The following PKD1 variants were observed in gnomAD, a reference collection of about 807,000 sequenced individuals.
PKD1 encodes the protein polycystin 1, transient receptor potential channel interacting, also known as polycystin-1.
PKD1 carries 81 observed loss-of-function variants against 361.7 expected under a neutral mutation model. The ratio of observed to expected loss-of-function variants is 0.22; its 90% CI spans 0.19 to 0.27. The LOEUF is 0.27. Among genes scored for constraint, PKD1 ranks in the 10% least tolerant of loss-of-function variants. The pLI, the probability that PKD1 is intolerant of heterozygous loss-of-function variation, is 1.00. For synonymous variants in PKD1, 3,615 were observed against 2,818.3 expected, an observed-to-expected ratio of 1.28 and a Z score of -8.95; for missense variants, 6,399 against 6,118.3, an observed-to-expected ratio of 1.05 and a Z score of -1.53.
In PKD1 at chr16:2,114,433, C is replaced by T; in HGVS notation, c.2590G>A (p.Gly864Ser). 1 of 1,601,010 alleles carries T rather than the reference C, an allele frequency of 6.2e-7. No homozygotes were observed. Among genetic ancestry groups the T allele is most frequent in the Non-Finnish European group, 8.5e-7 (1 of 1,179,538 alleles). ...NATATARWPG[G>S]SVSARFENVC... ...TTCTCAAAGCGGGCGCTGACACTGC[C>T]CCCAGGCCAGCGAGCCGTGGCCGTG... The change falls in exon 11 of 46, where the codon GGC (glycine) becomes AGC (serine). Residue 864 changes from glycine (G) to serine (S), a missense_variant. By Grantham distance (56) the Gly-to-Ser change is moderately conservative (BLOSUM62 0). Coordinates refer to ENST00000262304, the MANE Select transcript of PKD1 (RefSeq NM_001009944.3).
At chr16:2,105,664 T>C (rs1307145511) in intron 20 of PKD1, 190 bp from the exon 21 acceptor site, 32 of 1,429,582 alleles carry the variant, frequency 2.2e-5, no homozygotes, top group Non-Finnish European at 3.0e-5. Flanking sequence ...GGGCGGGGGC[T>C]GCATTGTGGA....
rs2091502660 is a variant in PKD1, at chr16:2,091,174, C to T, written c.11713G>A (p.Val3905Met). ...TGCACGGCGAACAGCAGCAGGCACA[C>T]CTGTGGGGGGCGCGGTCAGGAGGGC... ...AGLSLPLLTS[V>M]CLLLFAVHFA... Residue 3905 changes from valine to methionine, a missense_variant and splice_region_variant, in exon 43 of 46, where the codon GTG becomes ATG. Transcript: ENST00000262304. The T allele has an allele frequency of 2.1e-6, 3 of 1,428,590 alleles. No individual in the cohort carries two copies. The highest frequency in any genetic ancestry group is 1.5e-5 in the African/African-American group (1 of 66,160). The allele number at this position is 1,428,590 out of a possible 1,614,324, so 88.5% of individuals were successfully genotyped here.
rs774231616 is a variant in PKD1 at position 2,089,834 on chromosome 16, C to T, written c.12805G>A (p.Ala4269Thr). 6.2e-7 allele frequency: 1 copy of T among 1,604,528 alleles called. No individual in the cohort carries two copies. Among genetic ancestry groups the T allele is most frequent in the South Asian group, 1.1e-5 (1 of 89,824 alleles). Residue 4269 changes from alanine to threonine, a missense_variant, in exon 46 of 46, where the codon GCA becomes ACA. Coordinates refer to ENST00000262304, the MANE Select transcript of PKD1 (RefSeq NM_001009944.3). Reference protein sequence around the residue: ...SRGPSPGLRPALPSRLARASR... With the variant: ...SRGPSPGLRPTLPSRLARASR... ...GCCCGGGCAAGGCGGCTGGGCAGTG[C>T]TGGCCGCAGGCCCGGGGATGGGCCA...
In PKD1 at chr16:2,109,518, C is replaced by T. The variant is rs370043391; in HGVS notation, c.5649G>A (p.Ala1883=). ...SWVSATYNLT[A]EEPIVGLVLW... ...GCACCAGGCCCACGATGGGCTCCTC[C>T]GCCGTGAGGTTGTACGTGGCTGAGA... Residue 1883 remains alanine, a synonymous_variant, in exon 15 of 46, where the codon GCG becomes GCA. Coordinates refer to ENST00000262304, the MANE Select transcript of PKD1 (RefSeq NM_001009944.3). 7.9e-5 allele frequency: 127 copies of T among 1,610,218 alleles called. No homozygotes were observed. Among genetic ancestry groups the T allele is most frequent in the Non-Finnish European group, 1.1e-4 (125 of 1,179,252 alleles).
In PKD1 at chr16:2,112,387, G is replaced by A. The variant is rs2092537598; in HGVS notation, c.3248C>T (p.Ala1083Val). ...ESFPVPDPSV[A>V]QVLVEHNVMH... ...GACATTGTGCTCCACCAGCACCTGG[G>A]CCACCGAGGGGTCTGGAACCGGGAA... is the stretch of plus-strand genomic sequence containing the variant. Residue 1083 changes from alanine to valine, a missense_variant, in exon 14 of 46, where the codon GCC (alanine) becomes GTC (valine). By Grantham distance (64) the Ala-to-Val change is moderately conservative. Transcript: ENST00000262304. 2 of 1,587,286 alleles carry A rather than the reference G, an allele frequency of 1.3e-6. No individual in the cohort carries two copies. Among genetic ancestry groups the A allele is most frequent in the African/African-American group, 1.4e-5 (1 of 73,516 alleles).
chr16:2,094,102 C>T lies in PKD1; in HGVS notation c.10608G>A (p.Leu3536=), dbSNP rs1450374580. ...LNWEQPQAAR[L]SRTGLVEGLR... The stretch of plus-strand genomic sequence containing the variant: ...GCTACGCAAGCACACCTGTCCTGGA[C>T]AGCCTCGCTGCCTGGGGCTGTTCCC... The change falls in exon 35 of 46, where the codon CTG becomes CTA. Residue 3536 remains leucine (L), a synonymous_variant. Coordinates refer to ENST00000262304, the MANE Select transcript of PKD1 (RefSeq NM_001009944.3). The T allele has an allele frequency of 6.3e-7, 1 of 1,591,264 alleles. No individual in the cohort carries two copies. The highest frequency in any genetic ancestry group is 1.1e-5 in the South Asian group (1 of 88,336).
Position 2,091,434 on chromosome 16 carries a change from G to C in PKD1, c.11701C>G (p.Leu3901Val), listed in dbSNP as rs1436925319. The change falls in exon 42 of 46, where the codon CTG becomes GTG. Residue 3901 changes from leucine to valine, a missense_variant. By Grantham distance (32) the Leu-to-Val change is conservative. Transcript: ENST00000262304. ...RRLSAGLSLP[L>V]LTSVCLLLFA... is the part of the protein sequence containing the mutation. The stretch of plus-strand genomic sequence containing the variant: ...GGGGACGGGCGTACCGAGGTGAGCA[G>C]AGGCAGCGAGAGGCCCGCGCTGAGG... 6.7e-6 allele frequency: 8 copies of C among 1,185,982 alleles called. No individual in the cohort carries two copies. Among genetic ancestry groups the C allele is most frequent in the Non-Finnish European group, 8.4e-6 (8 of 956,664 alleles). The allele number at this position is 1,185,982 out of a possible 1,614,324, so 73.5% of individuals were successfully genotyped here. A position where few individuals can be genotyped will look rare whatever the true frequency, so the allele number is the denominator to read the frequency against.
rs528512622 is a variant in PKD1 at position 2,109,943 on chromosome 16, G to A, written c.5224C>T (p.Leu1742=). ...TATACGACACCACTGCCACCAGCCAGCTCGGCACTGAGGGTGACGCTTGTG... is the reference window on the plus strand; with the variant it reads ...TATACGACACCACTGCCACCAGCCAACTCGGCACTGAGGGTGACGCTTGTG... ...VNTSVTLSAE[L]AGGSGVVYTW... is the part of the protein sequence containing the mutation. The change falls in exon 15 of 46, where the codon CTG becomes TTG. Residue 1742 remains leucine (L), a synonymous_variant. Coordinates refer to ENST00000262304, the MANE Select transcript of PKD1 (RefSeq NM_001009944.3). 1.2e-5 allele frequency: 19 copies of A among 1,610,184 alleles called. No individual in the cohort carries two copies. The East Asian group carries it at 4.0e-4, about 34-fold the overall frequency.
chr16:2,096,036 G>C (rs924765261), intron 34 of PKD1, among the ~76,000 whole-genome samples: 7 of 152,190 alleles, frequency 4.6e-5, no homozygotes, highest in African/African-American at 1.4e-4. Context: ...TACCTCTTTA[G>C]TTCTTGGTTG....
rs377227184 is a variant in PKD1 at position 2,102,514 on chromosome 16, A to T, written c.9068T>A (p.Met3023Lys). The change falls in exon 25 of 46, where the codon ATG (methionine) becomes AAG (lysine). Residue 3023 changes from methionine to lysine, a missense_variant. Physicochemically the swap from Met to Lys is moderately conservative, Grantham distance 95. Coordinates refer to ENST00000262304, the MANE Select transcript of PKD1 (RefSeq NM_001009944.3). ...SLCQYFSEED[M>K]VWRTEGLLPL... ...CAGCAGCCCCTCTGTCCGCCACACC[A>T]TGTCCTCCTCGCTGAAGTACTGGCA... 1.2e-5 allele frequency: 19 copies of T among 1,601,894 alleles called. No individual in the cohort carries two copies. Among genetic ancestry groups the T allele is most frequent in the Admixed American group, 1.7e-5 (1 of 58,488 alleles).
chr16:2,097,573 C>T (rs932634130), intron 32 of PKD1, 70 bp from the exon 33 acceptor site: 43 of 1,604,432 alleles, frequency 2.7e-5, no homozygotes, highest in Middle Eastern at 2.2e-4. Flanking sequence ...CGTCCAGTCA[C>T]GCACGGACAC....
At position 2,100,960 on chromosome 16, in the gene PKD1, C is replaced by A. The variant is rs2092071488; in HGVS notation, c.9398-394G>T. Among the ~76,000 whole-genome samples the A allele has an allele frequency of 6.6e-6, 1 of 152,134 alleles. No homozygotes were observed. Among genetic ancestry groups the A allele is most frequent in the Admixed American group, 6.6e-5 (1 of 15,258 alleles). On this transcript the variant is annotated intron_variant, in intron 26 of 45. Coordinates refer to ENST00000262304, the MANE Select transcript of PKD1 (RefSeq NM_001009944.3). The surrounding 1 kb of genome is among the most constrained non-coding windows in gnomAD (Gnocchi z 4.4). ...GCGTGAAGCTGTGTCACCTCCTCTC[C>A]CAGTGACAGACCCAGGTGACAGTAT...
In PKD1 at chr16:2,119,344, C is replaced by A. The variant is rs914018183; in HGVS notation, c.250G>T (p.Val84Phe). ...VSHNLLRALD[V>F]GLLANLSALA... ...GCCGAGAGGTTCGCCAGGAGCCCAA[C>A]GTCCAGCGCCCGGAGCAGGTTGTGG... is the stretch of plus-strand genomic sequence containing the variant. Residue 84 changes from valine (V) to phenylalanine (F), a missense_variant, in exon 2 of 46, where the codon GTT becomes TTT. Coordinates refer to ENST00000262304, the MANE Select transcript of PKD1 (RefSeq NM_001009944.3). 2 of 1,412,024 alleles carry A rather than the reference C, an allele frequency of 1.4e-6. No homozygotes were observed. Among genetic ancestry groups the A allele is most frequent in the East Asian group, 2.5e-5 (1 of 40,268 alleles). 87.5% of individuals were successfully genotyped at this position (1,412,024 alleles called of 1,614,324 possible). A position where few individuals can be genotyped will look rare whatever the true frequency, so the allele number is the denominator to read the frequency against.
At chr16:2,102,997 C>A (rs766714041) in intron 23 of PKD1, 27 bp from the exon 24 acceptor site, 1 of 1,599,226 alleles carries the variant, frequency 6.3e-7, no homozygotes, top group Non-Finnish European at 8.5e-7. Context: ...AGGTCACACG[C>A]CTGCCGGGAA....
intron 1 of PKD1, among the ~76,000 whole-genome samples, chr16:2,123,201 C>T (rs1032403003): frequency 6.6e-6 from 1 of 152,176 alleles, no homozygotes; most frequent in Non-Finnish European, 1.5e-5. Flanking sequence ...CTCCTTCTCC[C>T]GGCCCTCACC....
At position 2,090,211 on chromosome 16, in the gene PKD1, G is replaced by A. The variant is rs1386578638; in HGVS notation, c.12445-17C>T. ...GTGGCGGAACTGGGGGCGGCACAGG[G>A]GCTCAGTCAGTCCGGCTGCACCCTG... On this transcript the variant is annotated splice_polypyrimidine_tract_variant and intron_variant, in intron 45 of 45. Transcript: ENST00000262304. The A allele has an allele frequency of 3.7e-6, 6 of 1,608,274 alleles. 1 individual carries two copies. Among genetic ancestry groups the A allele is most frequent in the East Asian group, 2.2e-5 (1 of 44,800 alleles).
intron 21 of PKD1, 53 bp downstream of exon 21, chr16:2,105,269 C>T (rs1282822998): frequency 2.5e-6 from 4 of 1,581,544 alleles, no homozygotes; most frequent in East Asian, 4.5e-5. Flanking sequence ...GGGGGCTGAA[C>T]CCAGTGCCCT....
In PKD1 at chr16:2,110,791, A is replaced by G. The variant is rs1411278865; in HGVS notation, c.4376T>C (p.Leu1459Pro). 1 of 1,611,060 alleles carries G rather than the reference A, an allele frequency of 6.2e-7. No individual in the cohort carries two copies. Among genetic ancestry groups the G allele is most frequent in the Non-Finnish European group, 8.5e-7 (1 of 1,179,826 alleles). The change falls in exon 15 of 46, where the codon CTG (leucine) becomes CCG (proline). Residue 1459 changes from leucine to proline, a missense_variant. Leu to Pro is a moderately conservative substitution (Grantham distance 98, BLOSUM62 -3). Coordinates refer to ENST00000262304, the MANE Select transcript of PKD1 (RefSeq NM_001009944.3). ...NNISAANDSA[L>P]VEVQEPVLVT... ...CAGCACGGGCTCCTGCACCTCCACCAGGGCTGAGTCATTGGCAGCAGAGAT... is the reference window on the plus strand; with the variant it reads ...CAGCACGGGCTCCTGCACCTCCACCGGGGCTGAGTCATTGGCAGCAGAGAT...
intron 1 of PKD1, among the ~76,000 whole-genome samples, chr16:2,126,752 T>G (rs3874664): frequency 6.6e-6 from 1 of 152,198 alleles, no homozygotes; most frequent in Non-Finnish European, 1.5e-5. Flanking sequence ...GAAAAGAACA[T>G]GTGTGTCTCC....
Sources: allele counts gnomAD v4.1 joint callset (sites outside exome capture counted in the v4.1 genomes callset), GRCh38; gene constraint gnomAD v4.1.1; non-coding constraint Gnocchi (gnomAD v3.1); transcripts MANE v1.5; gene names NCBI Gene and HGNC (gene_info 2026-07-23, HGNC 2026-07-21).